GCNA: variants seen among roughly 807,000 people sequenced by gnomAD.
GCNA encodes the protein germ cell nuclear acidic peptidase.
In GCNA, 3 loss-of-function variants were observed where a neutral mutation model predicts 38.8. That is an observed-to-expected ratio of 0.08 (90% confidence interval 0.04 to 0.20). The LOEUF is 0.20. GCNA is among the 10% of genes least tolerant of loss of function. GCNA has a pLI of 1.00. For missense variants in GCNA, 446 were observed against 578.6 expected, an observed-to-expected ratio of 0.77 and a Z score of 2.35; for synonymous variants, 195 against 240.2, an observed-to-expected ratio of 0.81 and a Z score of 1.74.
intron 7 of GCNA, among the ~76,000 whole-genome samples, chrX:71,601,873 G>A (rs2040718266): frequency 1.8e-5 from 2 of 112,502 alleles, no homozygotes; most frequent in African/African-American, 6.5e-5. Flanking sequence ...GGGCACATAG[G>A]TTGCTTCAAA....
chrX:71,580,955 G>A, intron 2 of GCNA, 75 bp downstream of exon 2: 2 of 983,166 alleles, frequency 2.0e-6, no homozygotes, highest in South Asian at 2.1e-5. Flanking sequence ...CGAGAAGTAT[G>A]TTTATTTCCT....
chrX:71,608,866 A>G, intron 9 of GCNA, 107 bp from the exon 10 acceptor site: 1 of 927,823 alleles, frequency 1.1e-6, no homozygotes, highest in Non-Finnish European at 1.5e-6. Flanking sequence ...AAGGAGCTGG[A>G]TGGAAGAGGG....
Position 71,603,698 on chromosome X carries a change from G to A in GCNA, c.421G>A (p.Asp141Asn), listed in dbSNP as rs753996914. 2.7e-5 allele frequency: 33 copies of A among 1,211,994 alleles called. No individual in the cohort carries two copies. Among genetic ancestry groups the A allele is most frequent in the South Asian group, 1.8e-5 (1 of 56,999 alleles). ...DNGNDLEVPD[D>N]NSDDSEAPDD... ...CGGTAATGATTTGGAAGTTCCCGAC[G>A]ACAACAGTGATGATTCAGAAGCTCC... Residue 141 changes from aspartate to asparagine, a missense_variant, in exon 8 of 13, where the codon GAC becomes AAC. This residue lies in a region of GCNA where 118 missense variants were observed against 122.8 expected (regional missense o/e 0.96). Coordinates refer to ENST00000373696, the MANE Select transcript of GCNA (RefSeq NM_052957.5).
At chrX:71,599,184 C>T (rs2040695070) in intron 7 of GCNA, among the ~76,000 whole-genome samples, 1 of 110,934 alleles carries the variant, frequency 9.0e-6, no homozygotes, top group African/African-American at 3.3e-5. Flanking sequence ...GATAACTACC[C>T]AAGAGCTATT....
chrX:71,580,767 C>T, intron 1 of GCNA, 53 bp from the exon 2 acceptor site: 1 of 1,131,001 alleles, frequency 8.8e-7, no homozygotes, highest in Admixed American at 2.5e-5. Flanking sequence ...AGCCACTGCG[C>T]CCGGCCGAGT....
At chrX:71,581,127 G>A (rs1387359856) in intron 2 of GCNA, among the ~76,000 whole-genome samples, 2 of 111,995 alleles carry the variant, frequency 1.8e-5, no homozygotes, top group Non-Finnish European at 3.8e-5. Context: ...ACAGTGCATC[G>A]TTGAATATAT....
At chrX:71,591,480 C>T (rs1385473533) in intron 2 of GCNA, among the ~76,000 whole-genome samples, 1 of 99,813 alleles carries the variant, frequency 1.0e-5, no homozygotes, top group Non-Finnish European at 2.0e-5. Context: ...GTCCATTTAC[C>T]TAGATATCAA....
At chrX:71,579,293 G>A (rs1457802713) in intron 1 of GCNA, among the ~76,000 whole-genome samples, 3 of 97,641 alleles carry the variant, frequency 3.1e-5, no homozygotes, top group South Asian at 5.1e-4. Flanking sequence ...TGCCAGTTGC[G>A]GCCTAGGAGT....
At chrX:71,596,446 T>TATTTCC (rs1180505939) in intron 6 of GCNA, among the ~76,000 whole-genome samples, 2 of 111,693 alleles carry the variant, frequency 1.8e-5, no homozygotes, top group Non-Finnish European at 3.8e-5. Context: ...AGATGCAGAG[T>TATTTCC]ATTTCCATTG....
rs1317812210 is a variant in GCNA at position 71,605,682 on chromosome X, T to C, written c.1419T>C (p.Pro473=). The change falls in exon 9 of 13, where the codon CCT becomes CCC. Residue 473 remains proline (P), a synonymous_variant. Coordinates refer to ENST00000373696, the MANE Select transcript of GCNA (RefSeq NM_052957.5). Reference sequence around the variant, plus strand: ...GTAAAGGACATAAGAAGCGTGGGCCTTCAAAGAAGAAACCCGGTGCAGCAA... The same window carrying C: ...GTAAAGGACATAAGAAGCGTGGGCCCTCAAAGAAGAAACCCGGTGCAGCAA... The part of the protein sequence containing the change: ...SVTPGHKKRG[P]SKKKPGAAKV... 6 of 1,210,125 alleles carry C rather than the reference T, an allele frequency of 5.0e-6. No homozygotes were observed. The highest frequency in any genetic ancestry group is 6.7e-6 in the Non-Finnish European group (6 of 894,334).
chrX:71,585,419 G>A (rs2040578582), intron 2 of GCNA, among the ~76,000 whole-genome samples: 1 of 111,500 alleles, frequency 9.0e-6, no homozygotes, highest in African/African-American at 3.3e-5. Flanking sequence ...GTTAGTCTCA[G>A]TTGTCCTGAG....
At chrX:71,587,303 A>G (rs887965051) in intron 2 of GCNA, among the ~76,000 whole-genome samples, 1 of 110,089 alleles carries the variant, frequency 9.1e-6, no homozygotes, top group Non-Finnish European at 1.9e-5. Flanking sequence ...CAAGGTCATT[A>G]ACACAGTGAA....
chrX:71,598,380 C>T (rs2040688267), intron 7 of GCNA, among the ~76,000 whole-genome samples: 1 of 111,823 alleles, frequency 8.9e-6, no homozygotes, highest in African/African-American at 3.3e-5. Context: ...CCCTCTTCCT[C>T]TCTTCCCCGC....
chrX:71,582,165 C>T (rs191476802), intron 2 of GCNA, among the ~76,000 whole-genome samples: 2,096 of 106,061 alleles, frequency 0.02, 24 homozygotes, highest in Non-Finnish European at 0.03. Context: ...CCCAGCTACT[C>T]GGGAGGTTCA....
chrX:71,594,297 C>G, intron 4 of GCNA, 34 bp from the exon 5 acceptor site: 1 of 1,124,462 alleles, frequency 8.9e-7, no homozygotes, highest in South Asian at 1.9e-5. Context: ...GTCGATAGCC[C>G]TCCTTTTATA....
chrX:71,601,161 T>C (rs780693992), intron 7 of GCNA, among the ~76,000 whole-genome samples: 2 of 111,290 alleles, frequency 1.8e-5, no homozygotes, highest in Non-Finnish European at 3.8e-5. Flanking sequence ...TTGGCCAACA[T>C]GGTGAAACCC....
intron 9 of GCNA, 65 bp from the exon 10 acceptor site, chrX:71,608,908 C>T (rs1006038439): frequency 6.9e-6 from 8 of 1,151,212 alleles, no homozygotes; most frequent in Non-Finnish European, 8.1e-6. Flanking sequence ...CTTGACGAGA[C>T]GCTTAGGTGT....
intron 2 of GCNA, among the ~76,000 whole-genome samples, chrX:71,584,728 C>T (rs893416805): frequency 5.5e-5 from 6 of 109,541 alleles, no homozygotes; most frequent in African/African-American, 2.0e-4. Context: ...TTTAGCTGGG[C>T]GTGGTGGCAG....
At chrX:71,585,090 G>A (rs972367162) in intron 2 of GCNA, among the ~76,000 whole-genome samples, 2 of 109,393 alleles carry the variant, frequency 1.8e-5, no homozygotes, top group African/African-American at 6.7e-5. Context: ...GTGGGCGGAT[G>A]GCTTGAGTCC....
Sources: gnomAD v4.1 joint callset for allele counts (sites outside exome capture counted in the v4.1 genomes callset) on GRCh38, gnomAD v4.1.1 for gene constraint, gnomAD v4.1.1 regional missense constraint, MANE v1.5 for transcripts, NCBI Gene and HGNC (gene_info 2026-07-23, HGNC 2026-07-21) for gene names.